Variants in SAPCD2 observed in about 807,000 individuals in gnomAD.
SAPCD2 encodes the protein suppressor APC domain containing 2, also known as suppressor APC domain-containing protein 2.
SAPCD2 carries 34 observed loss-of-function variants against 37.8 expected under a neutral mutation model. The observed-to-expected ratio is 0.90, with a 90% confidence interval of 0.68 to 1.20. The LOEUF is 1.20. Among genes scored for constraint, SAPCD2 ranks in the 50% most tolerant of loss-of-function variants. The pLI is 0.00. For missense variants in SAPCD2, 572 were observed against 584.7 expected (o/e 0.98, Z 0.22); for synonymous variants, 275 against 270.3 (o/e 1.02, Z -0.17).
Position 137,062,413 on chromosome 9 carries a change from C to CGGCTG in SAPCD2, c.*2241_*2245dup, listed in dbSNP as rs1330487716. On this transcript the variant is annotated 3_prime_UTR_variant, in exon 6 of 6. Coordinates refer to ENST00000409687, the MANE Select transcript of SAPCD2 (RefSeq NM_178448.4). ...GATTCCAGGCGTGAACCACCACGCC[C>CGGCTG]GGCTGAGATGTTCCTTTTCCTTGGA... The CGGCTG allele has an allele frequency of 6.6e-6, 1 of 151,960 alleles. No homozygotes were observed. The highest frequency in any genetic ancestry group is 1.5e-5 in the Non-Finnish European group (1 of 67,990). The allele number at this position is 151,960 out of a possible 1,614,324, so 9.4% of individuals were successfully genotyped here.
rs1346368914 is a variant in SAPCD2 at position 137,064,881 on chromosome 9, C to T, written c.1038G>A (p.Gln346=). 5 of 1,563,850 alleles carry T rather than the reference C, an allele frequency of 3.2e-6. No homozygotes were observed. The Admixed American group carries it at 9.4e-5, about 30-fold the overall frequency. ...QQQTILMLKE[Q]NRLLTQEVTE... is the part of the protein sequence containing the mutation. The stretch of plus-strand genomic sequence containing the variant: ...GCCCTACCTGGGTGAGGAGTCGGTT[C>T]TGCTCCTTCAGCATGAGGATGGTCT... Residue 346 remains glutamine, a synonymous_variant, in exon 5 of 6, where the codon CAG becomes CAA. Transcript: ENST00000409687.
intron 1 of SAPCD2, 140 bp from the exon 2 acceptor site, chr9:137,066,514 C>A: frequency 1.6e-6 from 1 of 628,838 alleles, no homozygotes. Context: ...AGCCTCTGTG[C>A]CAGGCTGGAG....
Position 137,064,376 on chromosome 9 carries a change from T to G in SAPCD2, c.*283A>C. 1 of 518,424 alleles carries G rather than the reference T, an allele frequency of 1.9e-6. No homozygotes were observed. The allele number at this position is 518,424 out of a possible 1,614,324, so 32.1% of individuals were successfully genotyped here. A position where few individuals can be genotyped will look rare whatever the true frequency, so the allele number is the denominator to read the frequency against. On this transcript the variant is annotated 3_prime_UTR_variant, in exon 6 of 6. Coordinates refer to ENST00000409687, the MANE Select transcript of SAPCD2 (RefSeq NM_178448.4). The stretch of plus-strand genomic sequence containing the variant: ...TAACTCATGGAGGGGTACCCCACTG[T>G]CCACTGACAGCGGCAGTAGTAGCTG...
chr9:137,068,619 C>A (rs1017767768), intron 1 of SAPCD2, among the ~76,000 whole-genome samples: 2 of 152,244 alleles, frequency 1.3e-5, no homozygotes, highest in Non-Finnish European at 2.9e-5. Flanking sequence ...AAATATGTCA[C>A]GCCATTTGTC....
At chr9:137,067,583 A>G (rs1319867046) in intron 1 of SAPCD2, among the ~76,000 whole-genome samples, 14 of 150,946 alleles carry the variant, frequency 9.3e-5, no homozygotes, top group South Asian at 2.1e-4. Flanking sequence ...AGACCAGCCT[A>G]GCCAACATGG....
chr9:137,067,644 TG>T (rs1564261639), intron 1 of SAPCD2, among the ~76,000 whole-genome samples: 1 of 150,528 alleles, frequency 6.6e-6, no homozygotes, highest in Admixed American at 6.6e-5. Flanking sequence ...CGTGGTGGCA[TG>T]CACCTGTAAT....
chr9:137,066,239 A>G (rs774326000), intron 2 of SAPCD2, 23 bp downstream of exon 2: 86 of 1,567,066 alleles, frequency 5.5e-5, no homozygotes, highest in Middle Eastern at 2.2e-4. Flanking sequence ...GGAGAGCCCC[A>G]CAGAGCCCCA....
At position 137,064,785 on chromosome 9, in the gene SAPCD2, C is replaced by T. The variant is rs748625435; in HGVS notation, c.1059G>A (p.Glu353=). ...TGATGCGCTCACTCTTCTCGGTCAC[C>T]TCCTGGGCAGGTGCACAGTTGGTCA... ...LKEQNRLLTQ[E]VTEKSERITQ... is the part of the protein sequence containing the mutation. Residue 353 remains glutamate, a splice_region_variant and synonymous_variant, in exon 6 of 6, where the codon GAG becomes GAA. Coordinates refer to ENST00000409687, the MANE Select transcript of SAPCD2 (RefSeq NM_178448.4). 2.5e-6 allele frequency: 4 copies of T among 1,594,154 alleles called. No individual in the cohort carries two copies. Among genetic ancestry groups the T allele is most frequent in the Middle Eastern group, 2.0e-4 (1 of 4,916 alleles).
intron 2 of SAPCD2, 52 bp downstream of exon 2, chr9:137,066,203 CCCGGCCT>C: frequency 7.3e-7 from 1 of 1,372,288 alleles, no homozygotes; most frequent in Non-Finnish European, 1.0e-6. Flanking sequence ...CTGCTCCCAT[CCCGGCCT>C]CCAGCCTCCA....
In SAPCD2 at chr9:137,066,324, CCCGCCGGGCATCCCCTGAGT is replaced by C; in HGVS notation, c.602_621del (p.Asp201GlyfsTer152). ...CGACGTTCCCCTCGGGCACGGGGAG[CCCGCCGGGCATCCCCTGAGT>C]CCGCCTCCAGGGCCCTGCACGCCAC... On this transcript the variant is annotated frameshift_variant, in exon 2 of 6. Coordinates refer to ENST00000409687, the MANE Select transcript of SAPCD2 (RefSeq NM_178448.4). LOFTEE classifies it high-confidence loss of function. The C allele has an allele frequency of 3.1e-6, 5 of 1,609,984 alleles. No homozygotes were observed. Among genetic ancestry groups the C allele is most frequent in the Non-Finnish European group, 4.2e-6 (5 of 1,179,038 alleles).
rs1409869539 is a variant in SAPCD2 at position 137,065,634 on chromosome 9, T to A, written c.719A>T (p.Glu240Val). ...CATCTCCAAACCCTGCAGCAGCACC[T>A]CCTTCTCCTGCTCCAGCTCCTTCAT... ...KQMKELEQEKEVLLQGLEMMA... is the reference protein window; with the variant it reads ...KQMKELEQEKVVLLQGLEMMA... The change falls in exon 3 of 6, where the codon GAG (glutamate) becomes GTG (valine). Residue 240 changes from glutamate to valine, a missense_variant. Coordinates refer to ENST00000409687, the MANE Select transcript of SAPCD2 (RefSeq NM_178448.4). 2.5e-6 allele frequency: 4 copies of A among 1,605,786 alleles called. No homozygotes were observed. The highest frequency in any genetic ancestry group is 3.3e-4 in the Middle Eastern group (2 of 6,062).
rs771416326 is a variant in SAPCD2 at position 137,065,636 on chromosome 9, C to T, written c.717G>A (p.Lys239=). The T allele has an allele frequency of 6.2e-7, 1 of 1,608,642 alleles. No individual in the cohort carries two copies. The highest frequency in any genetic ancestry group is 8.5e-7 in the Non-Finnish European group (1 of 1,176,262). Residue 239 remains lysine, a synonymous_variant, in exon 3 of 6, where the codon AAG becomes AAA. Transcript: ENST00000409687. ...TCTCCAAACCCTGCAGCAGCACCTCCTTCTCCTGCTCCAGCTCCTTCATCT... is the reference window on the plus strand; with the variant it reads ...TCTCCAAACCCTGCAGCAGCACCTCTTTCTCCTGCTCCAGCTCCTTCATCT... The part of the protein sequence containing the change: ...LKQMKELEQE[K]EVLLQGLEMM...
In SAPCD2 at chr9:137,070,014, G is replaced by C. The variant is rs1453873837; in HGVS notation, c.447C>G (p.Ala149=). The change falls in exon 1 of 6, where the codon GCC becomes GCG. Residue 149 remains alanine, a synonymous_variant. Coordinates refer to ENST00000409687, the MANE Select transcript of SAPCD2 (RefSeq NM_178448.4). ...GGCTGCGGGCGGCGGCGCTGGGACC[G>C]GCCAGAGGGGCGCGCACGCCCAGGG... The part of the protein sequence containing the change: ...PLPLGVRAPL[A]GPSAAARSPE... The C allele has an allele frequency of 8.3e-6, 10 of 1,208,132 alleles. No homozygotes were observed. Among genetic ancestry groups the C allele is most frequent in the Non-Finnish European group, 1.0e-5 (10 of 972,774 alleles). 74.8% of individuals were successfully genotyped at this position (1,208,132 alleles called of 1,614,324 possible).
At chr9:137,067,462 C>G (rs1832562112) in intron 1 of SAPCD2, among the ~76,000 whole-genome samples, 1 of 147,692 alleles carries the variant, frequency 6.8e-6, no homozygotes, top group African/African-American at 2.6e-5. Flanking sequence ...CACAGCAAAA[C>G]TTTGTCTCAA....
chr9:137,070,509 G>A lies in SAPCD2; in HGVS notation c.-49C>T. 1 of 1,150,544 alleles carries A rather than the reference G, an allele frequency of 8.7e-7. No individual in the cohort carries two copies. The highest frequency in any genetic ancestry group is 1.1e-6 in the Non-Finnish European group (1 of 922,442). 71.3% of individuals were successfully genotyped at this position (1,150,544 alleles called of 1,614,324 possible). Reference sequence around the variant, plus strand: ...GTCCACCCGCGTGCGTCCCAGCGCGGCCCCACGGAGGGGCCGGCCCGGCGA... The same window carrying A: ...GTCCACCCGCGTGCGTCCCAGCGCGACCCCACGGAGGGGCCGGCCCGGCGA... On this transcript the variant is annotated 5_prime_UTR_variant, in exon 1 of 6. Coordinates refer to ENST00000409687, the MANE Select transcript of SAPCD2 (RefSeq NM_178448.4).
Position 137,069,875 on chromosome 9 carries a change from C to T in SAPCD2, c.571+15G>A. 7.9e-7 allele frequency: 1 copy of T among 1,258,164 alleles called. No individual in the cohort carries two copies. 77.9% of individuals were successfully genotyped at this position (1,258,164 alleles called of 1,614,324 possible). On this transcript the variant is annotated intron_variant, in intron 1 of 5. Coordinates refer to ENST00000409687, the MANE Select transcript of SAPCD2 (RefSeq NM_178448.4). The stretch of plus-strand genomic sequence containing the variant: ...GGAGAGCTACGAGGGTGCCCGGGGG[C>T]CGTCCGGAACTCACCTGCGTCCGCG...
At position 137,070,067 on chromosome 9, in the gene SAPCD2, G is replaced by A. The variant is rs574271470; in HGVS notation, c.394C>T (p.Arg132Trp). 5.4e-4 allele frequency: 643 copies of A among 1,195,646 alleles called. 6 individuals carry two copies. In the African/African-American group the frequency reaches 9.1e-3, roughly 17 times the overall value. The allele number at this position is 1,195,646 out of a possible 1,614,324, so 74.1% of individuals were successfully genotyped here. A position where few individuals can be genotyped will look rare whatever the true frequency, so the allele number is the denominator to read the frequency against. Residue 132 changes from arginine (R) to tryptophan (W), a missense_variant, in exon 1 of 6, where the codon CGG (arginine) becomes TGG (tryptophan). Coordinates refer to ENST00000409687, the MANE Select transcript of SAPCD2 (RefSeq NM_178448.4). ...AGGGGCTTCCTCTCCAGGACCGTCCGCGGCTCGTCGGCCGGAGCGAACACC... is the reference window on the plus strand; with the variant it reads ...AGGGGCTTCCTCTCCAGGACCGTCCACGGCTCGTCGGCCGGAGCGAACACC... The part of the protein sequence containing the change: ...RLVFAPADEP[R>W]TVLERKPLPL...
chr9:137,069,942 C>T lies in SAPCD2; in HGVS notation c.519G>A (p.Glu173=). ...GCGCCGCGCTCTGGGACCGCTCGGG[C>T]TCCGCGGGGCAGGGCGCCGCCTCAG... is the stretch of plus-strand genomic sequence containing the variant. ...APAEAAPCPA[E]PERSQSAALE... Residue 173 remains glutamate, a synonymous_variant, in exon 1 of 6, where the codon GAG becomes GAA. Transcript: ENST00000409687. 4 of 1,268,932 alleles carry T rather than the reference C, an allele frequency of 3.2e-6. No homozygotes were observed. The highest frequency in any genetic ancestry group is 4.0e-6 in the Non-Finnish European group (4 of 1,008,124). The allele number at this position is 1,268,932 out of a possible 1,614,324, so 78.6% of individuals were successfully genotyped here.
chr9:137,066,835 T>C (rs1832552937), intron 1 of SAPCD2, among the ~76,000 whole-genome samples: 1 of 152,088 alleles, frequency 6.6e-6, no homozygotes, highest in African/African-American at 2.4e-5. Flanking sequence ...AACCTAACTT[T>C]TCCCAGGATG....
Sources: allele counts gnomAD v4.1 joint callset (sites outside exome capture counted in the v4.1 genomes callset), GRCh38; gene constraint gnomAD v4.1.1; transcripts MANE v1.5; gene names NCBI Gene and HGNC (gene_info 2026-07-23, HGNC 2026-07-21).